The following QRFPR variants were observed in gnomAD, a reference collection of about 807,000 sequenced individuals.
The protein encoded by QRFPR is pyroglutamylated RFamide peptide receptor, also known as pyroglutamylated RF-amide peptide receptor.
In QRFPR, 37 loss-of-function variants were observed where a neutral mutation model predicts 31.3. The ratio of observed to expected loss-of-function variants is 1.18; its 90% CI spans 0.91 to 1.56. QRFPR has a LOEUF of 1.56. QRFPR is among the 40% of genes most tolerant of loss of function. QRFPR has a pLI of 0.00. For synonymous variants in QRFPR, 197 were observed against 192.0 expected (o/e 1.03, Z -0.22); for missense variants, 542 against 532.5 (o/e 1.02, Z -0.18).
At chr4:121,375,200 C>T (rs1726327274) in intron 1 of QRFPR, among the ~76,000 whole-genome samples, 1 of 152,182 alleles carries the variant, frequency 6.6e-6, no homozygotes, top group Non-Finnish European at 1.5e-5. Flanking sequence ...TTTACCTCAG[C>T]TACCACGAGT....
intron 1 of QRFPR, among the ~76,000 whole-genome samples, chr4:121,342,533 CCT>C (rs1244696400): frequency 6.6e-6 from 1 of 152,162 alleles, no homozygotes; most frequent in African/African-American, 2.4e-5. Context: ...TTCCCTATCT[CCT>C]CTCATTCCTC....
intron 1 of QRFPR, among the ~76,000 whole-genome samples, chr4:121,352,962 G>A (rs973101522): frequency 1.3e-5 from 2 of 151,864 alleles, no homozygotes; most frequent in African/African-American, 4.8e-5. Context: ...GTGAGAACAC[G>A]TGACATTTGT....
At chr4:121,340,287 T>C in intron 2 of QRFPR, 165 bp downstream of exon 2, 3 of 685,684 alleles carry the variant, frequency 4.4e-6, no homozygotes, top group South Asian at 1.8e-5. Flanking sequence ...AAAAGAGAGA[T>C]GGTGTGGAGA....
At chr4:121,341,958 T>A (rs1725551007) in intron 1 of QRFPR, among the ~76,000 whole-genome samples, 1 of 152,186 alleles carries the variant, frequency 6.6e-6, no homozygotes, top group Admixed American at 6.5e-5. Flanking sequence ...GATGGTTAAC[T>A]CTATGTGTCC....
intron 1 of QRFPR, among the ~76,000 whole-genome samples, chr4:121,356,185 C>A (rs369391300): frequency 1.3e-5 from 2 of 152,270 alleles, no homozygotes; most frequent in African/African-American, 4.8e-5. Flanking sequence ...TACTGTATTG[C>A]AGTCTATCTA....
chr4:121,332,432 T>C (rs962890258), intron 4 of QRFPR, among the ~76,000 whole-genome samples: 1 of 152,238 alleles, frequency 6.6e-6, no homozygotes, highest in Non-Finnish European at 1.5e-5. Flanking sequence ...GATGTTATTA[T>C]GCTCCTTGTA....
chr4:121,366,387 TG>T (rs1726134964), intron 1 of QRFPR, among the ~76,000 whole-genome samples: 1 of 150,222 alleles, frequency 6.7e-6, no homozygotes, highest in South Asian at 2.1e-4. Flanking sequence ...TCTTTGAATC[TG>T]GGCCAGTGAT....
chr4:121,346,465 C>T (rs1324211648), intron 1 of QRFPR, among the ~76,000 whole-genome samples: 2 of 152,168 alleles, frequency 1.3e-5, no homozygotes, highest in African/African-American at 2.4e-5. Context: ...GAATTTTCTA[C>T]ATAGAAAATA....
At chr4:121,368,557 G>A (rs1726170080) in intron 1 of QRFPR, among the ~76,000 whole-genome samples, 1 of 150,244 alleles carries the variant, frequency 6.7e-6, no homozygotes, top group African/African-American at 2.5e-5. Flanking sequence ...GATCCATTAG[G>A]TCTACCAAAA....
intron 1 of QRFPR, among the ~76,000 whole-genome samples, chr4:121,364,623 G>A (rs1435941277): frequency 7.0e-6 from 1 of 143,262 alleles, no homozygotes; most frequent in Non-Finnish European, 1.5e-5. Flanking sequence ...CTGGGCCACA[G>A]AGCGAGACTC....
intron 3 of QRFPR, among the ~76,000 whole-genome samples, chr4:121,335,994 A>T (rs1223315798): frequency 6.6e-6 from 1 of 152,168 alleles, no homozygotes; most frequent in African/African-American, 2.4e-5. Flanking sequence ...ACATGAAAAA[A>T]ATCAGGTTAC....
At chr4:121,377,944 T>C (rs1400647896) in intron 1 of QRFPR, among the ~76,000 whole-genome samples, 1 of 152,184 alleles carries the variant, frequency 6.6e-6, no homozygotes, top group East Asian at 1.9e-4. Flanking sequence ...TGTCCTATAA[T>C]GCGCAAGTTA....
At chr4:121,343,079 C>G (rs543764889) in intron 1 of QRFPR, among the ~76,000 whole-genome samples, 11 of 152,190 alleles carry the variant, frequency 7.2e-5, no homozygotes, top group Non-Finnish European at 1.5e-4. Flanking sequence ...ATGCACCAGG[C>G]AGAAGGGAAC....
Position 121,329,597 on chromosome 4 carries a change from T to C in QRFPR, c.1013A>G (p.Asn338Ser). ...NPIVYAFMNE[N>S]FKKNVLSAVC... is the part of the protein sequence containing the mutation. ...TGCAGACAAAACATTTTTTTTGAAGTTTTCATTCATAAATGCATAGACAAT... is the reference window on the plus strand; with the variant it reads ...TGCAGACAAAACATTTTTTTTGAAGCTTTCATTCATAAATGCATAGACAAT... The change falls in exon 6 of 6, where the codon AAC becomes AGC. Residue 338 changes from asparagine (N) to serine (S), a missense_variant. Asn to Ser is a conservative substitution (Grantham distance 46, BLOSUM62 1). Transcript: ENST00000394427. 1 of 1,613,486 alleles carries C rather than the reference T, an allele frequency of 6.2e-7. No homozygotes were observed. Among genetic ancestry groups the C allele is most frequent in the Non-Finnish European group, 8.5e-7 (1 of 1,179,740 alleles).
chr4:121,369,576 C>A, intron 1 of QRFPR: 1 of 1,611,064 alleles, frequency 6.2e-7, no homozygotes, highest in Non-Finnish European at 8.5e-7. Flanking sequence ...TTGGCCTGGG[C>A]ACGGATCAGT....
chr4:121,352,703 T>G (rs972616736), intron 1 of QRFPR, among the ~76,000 whole-genome samples: 5 of 152,052 alleles, frequency 3.3e-5, no homozygotes, highest in African/African-American at 1.2e-4. Context: ...CATCAAGCAT[T>G]TATCATTTCT....
chr4:121,338,229 G>A (rs1400301829), intron 2 of QRFPR, among the ~76,000 whole-genome samples: 1 of 152,046 alleles, frequency 6.6e-6, no homozygotes, highest in Non-Finnish European at 1.5e-5. Context: ...ATCACATATA[G>A]TTATCTTATG....
intron 1 of QRFPR, among the ~76,000 whole-genome samples, chr4:121,368,574 G>A (rs1477190406): frequency 6.7e-6 from 1 of 150,154 alleles, no homozygotes; most frequent in East Asian, 2.0e-4. Flanking sequence ...AAAAAGCAGG[G>A]GGACTCAAGG....
intron 1 of QRFPR, among the ~76,000 whole-genome samples, chr4:121,365,554 TATAATATATATTATATATA>T (rs1726092988): frequency 6.4e-4 from 2 of 3,134 alleles, no homozygotes; most frequent in Non-Finnish European, 9.2e-4. Context: ...ATATATAATA[TATAATATATATTATATATA>T]ATATATATTA....
Sources: gnomAD v4.1 joint callset for allele counts (sites outside exome capture counted in the v4.1 genomes callset) on GRCh38, gnomAD v4.1.1 for gene constraint, MANE v1.5 for transcripts, NCBI Gene and HGNC (gene_info 2026-07-23, HGNC 2026-07-21) for gene names.